Variants in BCAR3 observed in about 807,000 individuals in gnomAD.
BCAR3 encodes BCAR3 adaptor protein, NSP family member.
Under a neutral mutation model 80.1 loss-of-function variants are expected in BCAR3, and 37 were observed. The observed-to-expected ratio is 0.46, with a 90% CI of 0.36 to 0.61. BCAR3 has a LOEUF of 0.61. Among genes scored for constraint, BCAR3 ranks in the 20% least tolerant of loss-of-function variants. The probability of loss-of-function intolerance (pLI) is 0.00; values close to 1 mark genes in which losing one functional copy is unlikely to be tolerated. For missense variants in BCAR3, 978 were observed against 1,068.2 expected (o/e 0.92, Z 1.18); for synonymous variants, 389 against 418.9 (o/e 0.93, Z 0.87).
At chr1:93,823,379 A>C (rs12408960) in intron 2 of BCAR3, among the ~76,000 whole-genome samples, 17,696 of 133,228 alleles carry the variant, frequency 0.13, 4,254 homozygotes, top group East Asian at 0.37. Context: ...GGAGTGTAGG[A>C]AGGTGAATGA....
At chr1:93,631,063 T>C (rs1174809736) in intron 3 of BCAR3, among the ~76,000 whole-genome samples, 3 of 152,232 alleles carry the variant, frequency 2.0e-5, no homozygotes, top group Non-Finnish European at 2.9e-5. Flanking sequence ...AAAAATCCTA[T>C]ATAAAGTATC....
chr1:93,612,767 G>T (rs1240267101), intron 3 of BCAR3, among the ~76,000 whole-genome samples: 1 of 152,140 alleles, frequency 6.6e-6, no homozygotes, highest in Admixed American at 6.5e-5. Context: ...GGACAGAAAG[G>T]GGCTCAAGTC....
At chr1:93,653,094 C>A (rs966271167) in intron 2 of BCAR3, among the ~76,000 whole-genome samples, 7 of 152,164 alleles carry the variant, frequency 4.6e-5, no homozygotes, top group Non-Finnish European at 1.0e-4. Flanking sequence ...TACAGACCTT[C>A]TTTTCCAAGT....
intron 2 of BCAR3, among the ~76,000 whole-genome samples, chr1:93,733,329 T>C (rs565768361): frequency 1.8e-4 from 27 of 152,156 alleles, no homozygotes; most frequent in Non-Finnish European, 2.8e-4. Flanking sequence ...TTGGATTTTT[T>C]TGTATGTCCC....
rs918016385 is a variant in BCAR3 at position 93,584,257 on chromosome 1, A to G, written c.930-136T>C. The G allele has an allele frequency of 1.6e-5, 11 of 706,346 alleles. No homozygotes were observed. In the East Asian group the frequency reaches 2.7e-4, roughly 17 times the overall value. 43.8% of individuals were successfully genotyped at this position (706,346 alleles called of 1,614,324 possible). On this transcript the variant is annotated intron_variant, in intron 5 of 11. Transcript: ENST00000260502. ...AACGAGAGTGCTACAGCATACCCTA[A>G]AAGTAAAGGAATGACCGCTGGAGAA...
Position 93,783,620 on chromosome 1 carries a change from A to T in BCAR3, c.-63+61947T>A, listed in dbSNP as rs141268109. ...AAAATAAATGAACTCCAAAAATATAAGCGACTCATAAATGTTGAGGGAACA... is the reference window on the plus strand; with the variant it reads ...AAAATAAATGAACTCCAAAAATATATGCGACTCATAAATGTTGAGGGAACA... On this transcript the variant is annotated intron_variant, in intron 2 of 13. Transcript: ENST00000370244. Among the ~76,000 whole-genome samples the T allele has an allele frequency of 2.1e-3, 316 of 151,656 alleles. 1 individual carries two copies. The highest frequency in any genetic ancestry group is 7.2e-3 in the African/African-American group (300 of 41,452).
chr1:93,767,713 T>C (rs1433373283), intron 2 of BCAR3, among the ~76,000 whole-genome samples: 3 of 152,134 alleles, frequency 2.0e-5, no homozygotes, highest in African/African-American at 7.2e-5. Context: ...ATATAAACTA[T>C]TTTTGGAGTT....
intron 2 of BCAR3, among the ~76,000 whole-genome samples, chr1:93,722,213 T>C (rs1473493531): frequency 6.6e-6 from 1 of 152,202 alleles, no homozygotes; most frequent in African/African-American, 2.4e-5. Context: ...CATGCACTCA[T>C]AAGCCTCTCC....
At chr1:93,825,989 C>T (rs1033473885) in intron 2 of BCAR3, among the ~76,000 whole-genome samples, 6 of 152,246 alleles carry the variant, frequency 3.9e-5, no homozygotes, top group African/African-American at 1.4e-4. Flanking sequence ...GAAGAAAATT[C>T]TCTAACTCTT....
intron 2 of BCAR3, among the ~76,000 whole-genome samples, chr1:93,840,834 A>G (rs1654934054): frequency 6.6e-6 from 1 of 152,230 alleles, no homozygotes; most frequent in South Asian, 2.1e-4. Context: ...CTAGGCACAT[A>G]GTCAAGTAGC....
At chr1:93,573,399 A>AAATAAT (rs57300757) in intron 8 of BCAR3, among the ~76,000 whole-genome samples, 55 of 150,442 alleles carry the variant, frequency 3.7e-4, no homozygotes, top group Non-Finnish European at 5.0e-4. Context: ...CTCAAAACAA[A>AAATAAT]AATAATAATA....
chr1:93,676,001 A>C (rs967043007), intron 1 of BCAR3, among the ~76,000 whole-genome samples: 11 of 149,254 alleles, frequency 7.4e-5, no homozygotes, highest in Non-Finnish European at 1.5e-4. Flanking sequence ...ACTAGTCATG[A>C]TATCAGACTC....
chr1:93,573,810 T>C (rs977876682), intron 8 of BCAR3, among the ~76,000 whole-genome samples: 1 of 150,006 alleles, frequency 6.7e-6, no homozygotes, highest in African/African-American at 2.5e-5. Context: ...CGTGTTTTTT[T>C]GTAGAAACAG....
In BCAR3 at chr1:93,625,800, G is replaced by T. The variant is rs558713743; in HGVS notation, c.357+16504C>A. Among the ~76,000 whole-genome samples, 4 of 152,304 alleles carry T rather than the reference G, an allele frequency of 2.6e-5. No individual in the cohort carries two copies. The East Asian group carries it at 7.7e-4, about 29-fold the overall frequency. On this transcript the variant is annotated intron_variant, in intron 3 of 11. Transcript: ENST00000260502. ...TTCATTCACATAAAGGATGGATGGA[G>T]CTCAGCCAGCAAATCCACACTGGGA...
intron 2 of BCAR3, among the ~76,000 whole-genome samples, chr1:93,742,549 A>G (rs757232193): frequency 1.3e-5 from 2 of 152,156 alleles, no homozygotes; most frequent in African/African-American, 2.4e-5. Context: ...ATTTTCTCTA[A>G]TTGGCTTGCA....
intron 4 of BCAR3, among the ~76,000 whole-genome samples, chr1:93,589,835 G>A (rs1674098624): frequency 6.6e-6 from 1 of 152,186 alleles, no homozygotes; most frequent in Non-Finnish European, 1.5e-5. Context: ...AGTAAAATAG[G>A]GTGGTTGGGG....
In BCAR3 at chr1:93,823,629, C is replaced by T. The variant is rs1282978384; in HGVS notation, c.-63+21938G>A. 3.0e-5 allele frequency among the ~76,000 whole-genome samples: 4 copies of T among 135,114 alleles called. 2 individuals are homozygous for T. The highest frequency in any genetic ancestry group is 5.0e-5 in the African/African-American group (2 of 40,086). 88.6% of individuals were successfully genotyped at this position (135,114 alleles called of 152,430 possible). On this transcript the variant is annotated intron_variant, in intron 2 of 13. Coordinates refer to the BCAR3 transcript ENST00000370244. ...GAGAAGACAGCCCTGGCAGCCTCAA[C>T]CTGGTTGGGAAGTGAAGACAAACAA...
intron 2 of BCAR3, among the ~76,000 whole-genome samples, chr1:93,812,742 G>A (rs1653891248): frequency 1.3e-5 from 2 of 152,184 alleles, no homozygotes; most frequent in Non-Finnish European, 2.9e-5. Flanking sequence ...AGGGTGGGCT[G>A]GACACAATCA....
intron 3 of BCAR3, among the ~76,000 whole-genome samples, chr1:93,610,863 G>A (rs543338880): frequency 6.6e-6 from 1 of 152,070 alleles, no homozygotes; most frequent in South Asian, 2.1e-4. Flanking sequence ...AGGAGAAGGC[G>A]GAGGTTGTAG....
Sources: allele counts gnomAD v4.1 joint callset (sites outside exome capture counted in the v4.1 genomes callset), GRCh38; gene constraint gnomAD v4.1.1; transcripts MANE v1.5; gene names NCBI Gene and HGNC (gene_info 2026-07-23, HGNC 2026-07-21).